The following CACNA1G variants were observed in gnomAD, a reference collection of about 807,000 sequenced individuals.
CACNA1G encodes voltage-dependent T-type calcium channel subunit alpha-1G.
In CACNA1G, 67 loss-of-function variants were observed where a neutral mutation model predicts 219.4. The ratio of observed to expected loss-of-function variants is 0.31; its 90% CI spans 0.25 to 0.37. CACNA1G has a LOEUF of 0.37. Ranked by LOEUF, CACNA1G falls within the 10% of genes least tolerant of loss-of-function variation. The pLI, the probability that CACNA1G is intolerant of heterozygous loss-of-function variation, is 1.00. For missense variants in CACNA1G, 2,380 were observed against 3,231.4 expected, an observed-to-expected ratio of 0.74 and a Z score of 6.39; for synonymous variants, 1,296 against 1,345.3, an observed-to-expected ratio of 0.96 and a Z score of 0.80.
intron 9 of CACNA1G, among the ~76,000 whole-genome samples, chr17:50,584,535 G>T (rs1391170866): frequency 6.9e-6 from 1 of 145,248 alleles, no homozygotes; most frequent in Non-Finnish European, 1.5e-5. Context: ...AGGCACGGGG[G>T]AAGGAGATTG....
At chr17:50,615,571 C>T in intron 27 of CACNA1G, 59 bp downstream of exon 27, 1 of 1,573,866 alleles carries the variant, frequency 6.4e-7, no homozygotes, top group South Asian at 1.2e-5. Flanking sequence ...AACCTCTGGG[C>T]AAGGTTAACA....
chr17:50,588,992 T>A (rs1249957432), intron 9 of CACNA1G, among the ~76,000 whole-genome samples: 1 of 152,178 alleles, frequency 6.6e-6, no homozygotes, highest in African/African-American at 2.4e-5. Context: ...AGCGAGACAG[T>A]GAGAAGCAAG....
Position 50,617,066 on chromosome 17 carries a change from C to T in CACNA1G, c.5022-372C>T, listed in dbSNP as rs558293591. ...GTCTCACTATGTTGCCCAGGCTGTT[C>T]TCGAACTCCTGAGCTCAAGTGATCC... On this transcript the variant is annotated intron_variant, in intron 28 of 37. Coordinates refer to ENST00000359106, the MANE Select transcript of CACNA1G (RefSeq NM_018896.5). This position sits in a 1 kb window ranked among gnomAD's most constrained non-coding sequence, Gnocchi z 5.8. 1.2e-4 allele frequency among the ~76,000 whole-genome samples: 19 copies of T among 152,194 alleles called. 2 individuals are homozygous for T. In the South Asian group the frequency reaches 3.9e-3, roughly 32 times the overall value.
At chr17:50,583,121 C>T (rs2042292590) in intron 9 of CACNA1G, among the ~76,000 whole-genome samples, 2 of 152,092 alleles carry the variant, frequency 1.3e-5, no homozygotes, top group Admixed American at 6.6e-5. Context: ...CCTGGACACC[C>T]TAAATGTGGC....
At chr17:50,597,032 C>T in intron 16 of CACNA1G, 109 bp downstream of exon 16, 1 of 1,041,022 alleles carries the variant, frequency 9.6e-7, no homozygotes, top group South Asian at 1.7e-5. Flanking sequence ...GCCCCATGGG[C>T]TGGATGGGGC....
chr17:50,606,445 A>T, intron 23 of CACNA1G: 2 of 592,248 alleles, frequency 3.4e-6, no homozygotes, highest in Non-Finnish European at 6.0e-6. Context: ...GAATGGAGTC[A>T]TAATAGAATC....
At chr17:50,625,583 T>C (rs1301196319) in intron 37 of CACNA1G, among the ~76,000 whole-genome samples, 1 of 152,134 alleles carries the variant, frequency 6.6e-6, no homozygotes. Flanking sequence ...TGTCACACAC[T>C]GTGTCACAGA....
intron 25 of CACNA1G, 150 bp from the exon 26 acceptor site, chr17:50,609,732 G>C: frequency 1.6e-6 from 1 of 641,528 alleles, no homozygotes; most frequent in East Asian, 2.9e-5. Context: ...CCAGCTTCGG[G>C]CTGGACATTC....
In CACNA1G at chr17:50,561,089, C is replaced by G; in HGVS notation, c.-371C>G. On this transcript the variant is annotated 5_prime_UTR_variant, in exon 1 of 38. Coordinates refer to ENST00000359106, the MANE Select transcript of CACNA1G (RefSeq NM_018896.5). The stretch of plus-strand genomic sequence containing the variant: ...ACCCCCGCCCTCCGCCGCTGCCCCC[C>G]TTTTCGTTCGCCCTCTCGGGGCGGC... The G allele has an allele frequency of 2.2e-6, 1 of 445,490 alleles. No homozygotes were observed. Among genetic ancestry groups the G allele is most frequent in the Non-Finnish European group, 4.3e-6 (1 of 230,654 alleles). The allele number at this position is 445,490 out of a possible 1,614,324, so 27.6% of individuals were successfully genotyped here.
In CACNA1G at chr17:50,578,340, G is replaced by T. The variant is rs1300831967; in HGVS notation, c.2077G>T (p.Val693Phe). The T allele has an allele frequency of 2.5e-6, 4 of 1,613,314 alleles. No individual in the cohort carries two copies. The highest frequency in any genetic ancestry group is 4.5e-5 in the East Asian group (2 of 44,890). ...AATGCCTGACTCAGACAGCGAGGCAGTTTATGAGTTCACACAGGATGCCCA... is the reference window on the plus strand; with the variant it reads ...AATGCCTGACTCAGACAGCGAGGCATTTTATGAGTTCACACAGGATGCCCA... ...REMPDSDSEA[V>F]YEFTQDAQHS... Residue 693 changes from valine to phenylalanine, a missense_variant, in exon 9 of 38, where the codon GTT becomes TTT. Physicochemically the swap from Val to Phe is conservative, Grantham distance 50 (BLOSUM62 -1). Around this residue, in one of 17 missense-constraint regions of CACNA1G, gnomAD observed 434 missense variants for 417.3 expected, o/e 1.04. Transcript: ENST00000359106. The surrounding 1 kb of genome is among the most constrained non-coding windows in gnomAD (Gnocchi z 4.5).
chr17:50,563,013 A>T (rs1597933585), intron 1 of CACNA1G, among the ~76,000 whole-genome samples: 1 of 152,160 alleles, frequency 6.6e-6, no homozygotes, highest in East Asian at 1.9e-4. Context: ...TCCAGCTCAG[A>T]GGTTCTTATA....
rs771834979 is a variant in CACNA1G, at chr17:50,605,893, T to C, written c.4297-5T>C. On this transcript the variant is annotated splice_polypyrimidine_tract_variant and splice_region_variant and intron_variant, in intron 22 of 37. Transcript: ENST00000359106. ...TTTTCTCTGTCTCTGGGAATGTGTG[T>C]CCAGCTCTTCAAAGGGAAGTTTTTC... 5 of 1,613,010 alleles carry C rather than the reference T, an allele frequency of 3.1e-6. 1 individual carries two copies. In the African/African-American group the frequency reaches 4.0e-5, roughly 13 times the overall value.
intron 9 of CACNA1G, 128 bp from the exon 10 acceptor site, chr17:50,590,343 C>T: frequency 2.9e-6 from 3 of 1,042,770 alleles, no homozygotes; most frequent in South Asian, 1.4e-5. Flanking sequence ...TGGGCCTGAG[C>T]ATCCAGCAAC....
chr17:50,561,531 C>G lies in CACNA1G; in HGVS notation c.72C>G (p.Asp24Glu), dbSNP rs1208505871. The change falls in exon 1 of 38, where the codon GAC (aspartate) becomes GAG (glutamate). Residue 24 changes from aspartate to glutamate, a missense_variant. Physicochemically the swap from Asp to Glu is conservative, Grantham distance 45. Transcript: ENST00000359106. ...CCCGGAGCTTCATGCGGCTCAACGACCTGTCGGGGGCCGGGGGCCGGCCGG... is the reference window on the plus strand; with the variant it reads ...CCCGGAGCTTCATGCGGCTCAACGAGCTGTCGGGGGCCGGGGGCCGGCCGG... ...GQPRSFMRLNDLSGAGGRPGP... is the reference protein window; with the variant it reads ...GQPRSFMRLNELSGAGGRPGP... 10 of 1,537,978 alleles carry G rather than the reference C, an allele frequency of 6.5e-6. No homozygotes were observed. The Admixed American group carries it at 2.0e-4, about 30-fold the overall frequency.
chr17:50,600,653 A>T lies in CACNA1G; in HGVS notation c.3691-73A>T. ...GGGTAGACAAGGAGTGAGGCTCGTG[A>T]CTCTGCTGAGGAGCCAGGAGCCGGG... is the stretch of plus-strand genomic sequence containing the variant. On this transcript the variant is annotated intron_variant, in intron 17 of 37. Coordinates refer to ENST00000359106, the MANE Select transcript of CACNA1G (RefSeq NM_018896.5). This position sits in a 1 kb window ranked among gnomAD's most constrained non-coding sequence, Gnocchi z 4.1. 7.8e-7 allele frequency: 1 copy of T among 1,277,326 alleles called. No homozygotes were observed. The highest frequency in any genetic ancestry group is 1.1e-6 in the Non-Finnish European group (1 of 878,556). 79.1% of individuals were successfully genotyped at this position (1,277,326 alleles called of 1,614,324 possible). A position where few individuals can be genotyped will look rare whatever the true frequency, so the allele number is the denominator to read the frequency against.
intron 26 of CACNA1G, among the ~76,000 whole-genome samples, chr17:50,614,254 C>A (rs2049931895): frequency 6.6e-6 from 1 of 152,222 alleles, no homozygotes. Context: ...TTCCTGCTGC[C>A]CCTAAGCCAG....
In CACNA1G at chr17:50,585,217, C is replaced by A. The variant is rs570769903; in HGVS notation, c.2302-5254C>A. 8.5e-5 allele frequency among the ~76,000 whole-genome samples: 13 copies of A among 152,258 alleles called. No homozygotes were observed. The East Asian group carries it at 2.3e-3, about 27-fold the overall frequency. On this transcript the variant is annotated intron_variant, in intron 9 of 37. Transcript: ENST00000359106. Reference sequence around the variant, plus strand: ...CTGGAATACAGTGGCTTGATCATGGCTCACTACAGCCTGGAACTTCTGGGC... The same window carrying A: ...CTGGAATACAGTGGCTTGATCATGGATCACTACAGCCTGGAACTTCTGGGC...
chr17:50,604,136 C>T lies in CACNA1G; in HGVS notation c.4170-19C>T. The T allele has an allele frequency of 3.7e-6, 6 of 1,608,586 alleles. No homozygotes were observed. Among genetic ancestry groups the T allele is most frequent in the Non-Finnish European group, 5.1e-6 (6 of 1,176,516 alleles). ...TGGGCTGGGGGAAGCCTTATCACCT[C>T]CCTCCCTCCCCTCCCCAGGGTGATC... On this transcript the variant is annotated intron_variant, in intron 21 of 37. Coordinates refer to ENST00000359106, the MANE Select transcript of CACNA1G (RefSeq NM_018896.5).
intron 28 of CACNA1G, among the ~76,000 whole-genome samples, chr17:50,616,683 C>A (rs1259704895): frequency 6.6e-6 from 1 of 152,212 alleles, no homozygotes; most frequent in African/African-American, 2.4e-5. Context: ...ACTGCCTGAA[C>A]TGGATTTGAA....
Sources: allele counts gnomAD v4.1 joint callset (sites outside exome capture counted in the v4.1 genomes callset), GRCh38; gene constraint gnomAD v4.1.1; regional missense constraint gnomAD v4.1.1; non-coding constraint Gnocchi (gnomAD v3.1); transcripts MANE v1.5; gene names NCBI Gene and HGNC (gene_info 2026-07-23, HGNC 2026-07-21).